NXPH1: variants seen among roughly 807,000 people sequenced by gnomAD.
The protein encoded by NXPH1 is neurexophilin 1, also known as neurexophilin-1.
A neutral mutation model predicts 23.7 loss-of-function variants in NXPH1; 5 were observed. The observed-to-expected ratio is 0.21, with a 90% CI of 0.11 to 0.44. The LOEUF (loss-of-function observed/expected upper bound fraction) is 0.44, where lower values mean the gene tolerates loss of function less well. Among genes scored for constraint, NXPH1 ranks in the 20% least tolerant of loss-of-function variants. The pLI, the probability that NXPH1 is intolerant of heterozygous loss-of-function variation, is 0.99. For missense variants in NXPH1, 324 were observed against 321.6 expected, an observed-to-expected ratio of 1.01 and a Z score of -0.06; for synonymous variants, 144 against 122.2, an observed-to-expected ratio of 1.18 and a Z score of -1.18.
chr7:8,555,508 G>A (rs1818343101), intron 2 of NXPH1, among the ~76,000 whole-genome samples: 1 of 151,588 alleles, frequency 6.6e-6, no homozygotes, highest in Non-Finnish European at 1.5e-5. Context: ...AAGCACCTAA[G>A]TCACTTTTCA....
intron 2 of NXPH1, among the ~76,000 whole-genome samples, chr7:8,490,616 G>A (rs902753745): frequency 5.3e-5 from 8 of 151,920 alleles, no homozygotes; most frequent in African/African-American, 1.2e-4. Flanking sequence ...GAAGCAGATC[G>A]GTTCCAATGT....
At chr7:8,713,021 A>C in intron 2 of NXPH1, among the ~76,000 whole-genome samples, 1 of 149,500 alleles carries the variant, frequency 6.7e-6, no homozygotes, top group Non-Finnish European at 1.5e-5. Flanking sequence ...CTCTCTCTCT[A>C]CCTCCTCTTT....
chr7:8,616,909 C>G (rs527267436), intron 2 of NXPH1, among the ~76,000 whole-genome samples: 19 of 150,520 alleles, frequency 1.3e-4, no homozygotes, highest in Admixed American at 4.0e-4. Flanking sequence ...GAGGGGAGGA[C>G]AGTGTGAATG....
At chr7:8,609,507 G>A (rs1349051384) in intron 2 of NXPH1, among the ~76,000 whole-genome samples, 2 of 152,150 alleles carry the variant, frequency 1.3e-5, no homozygotes, top group Non-Finnish European at 2.9e-5. Flanking sequence ...ACTCAGAACT[G>A]AGATTATGAC....
At chr7:8,447,518 T>G (rs1305674297) in intron 2 of NXPH1, among the ~76,000 whole-genome samples, 4 of 152,224 alleles carry the variant, frequency 2.6e-5, no homozygotes, top group African/African-American at 9.6e-5. Context: ...TCAACCTTAT[T>G]TCTTTTGGTT....
intron 2 of NXPH1, among the ~76,000 whole-genome samples, chr7:8,633,500 T>C (rs2115136130): frequency 6.6e-6 from 1 of 152,314 alleles, no homozygotes; most frequent in African/African-American, 2.4e-5. Context: ...CGCACACACA[T>C]TGTACTACAG....
chr7:8,690,288 G>A (rs1240301738), intron 2 of NXPH1: 2 of 152,190 alleles, frequency 1.3e-5, no homozygotes, highest in Admixed American at 6.5e-5. Context: ...GAAGACAGTG[G>A]AAGCAGCAGA....
rs190516027 is a variant in NXPH1 at position 8,437,184 on chromosome 7, C to T, written c.54+1417C>T. On this transcript the variant is annotated intron_variant, in intron 2 of 2. Coordinates refer to ENST00000405863, the MANE Select transcript of NXPH1 (RefSeq NM_152745.3). ...AAGAACAGCCTTTCTGACTCTGTCA[C>T]CGAAGTCTGTGCCTTTACCCGCTGG... Among the ~76,000 whole-genome samples the T allele has an allele frequency of 2.6e-3, 396 of 152,324 alleles. 1 individual carries two copies. Among genetic ancestry groups the T allele is most frequent in the Non-Finnish European group, 4.0e-3 (273 of 68,028 alleles).
intron 2 of NXPH1, among the ~76,000 whole-genome samples, chr7:8,657,860 T>A (rs932547978): frequency 1.3e-5 from 2 of 152,120 alleles, no homozygotes; most frequent in African/African-American, 4.8e-5. Flanking sequence ...AAACACTGTC[T>A]CTATTAAAAA....
At chr7:8,566,639 G>A (rs111565414) in intron 2 of NXPH1, among the ~76,000 whole-genome samples, 12 of 151,922 alleles carry the variant, frequency 7.9e-5, no homozygotes, top group African/African-American at 2.9e-4. Context: ...TGCAATTCTT[G>A]GACTTACACC....
rs1176807178 is a variant in NXPH1, at chr7:8,435,332, G to C, written c.-110-272G>C. 3.0e-6 allele frequency: 1 copy of C among 335,144 alleles called. No individual in the cohort carries two copies. Among genetic ancestry groups the C allele is most frequent in the Non-Finnish European group, 5.6e-6 (1 of 178,216 alleles). The allele number at this position is 335,144 out of a possible 1,614,324, so 20.8% of individuals were successfully genotyped here. A position where few individuals can be genotyped will look rare whatever the true frequency, so the allele number is the denominator to read the frequency against. On this transcript the variant is annotated intron_variant, in intron 1 of 2. Transcript: ENST00000405863. The surrounding 1 kb of genome is among the most constrained non-coding windows in gnomAD (Gnocchi z 5.9). The stretch of plus-strand genomic sequence containing the variant: ...TCCGAACCAGCCTGCACGCGGCTCA[G>C]TGTGCTCCGCCGCCTGGGAACTCGC...
At chr7:8,520,021 A>G (rs2128615488) in intron 2 of NXPH1, among the ~76,000 whole-genome samples, 1 of 152,236 alleles carries the variant, frequency 6.6e-6, no homozygotes, top group African/African-American at 2.4e-5. Flanking sequence ...ATAAAAAATT[A>G]TTTATATAAA....
chr7:8,491,249 G>A (rs1030597771), intron 2 of NXPH1, among the ~76,000 whole-genome samples: 1 of 152,026 alleles, frequency 6.6e-6, no homozygotes, highest in Non-Finnish European at 1.5e-5. Flanking sequence ...ATCCTTGGCT[G>A]TGAAACAGTG....
At chr7:8,562,381 G>C (rs1396941237) in intron 2 of NXPH1, among the ~76,000 whole-genome samples, 1 of 151,724 alleles carries the variant, frequency 6.6e-6, no homozygotes, top group African/African-American at 2.4e-5. Flanking sequence ...TTCAGCAAAA[G>C]AGATACCTTA....
At chr7:8,454,997 A>G (rs1816569997) in intron 2 of NXPH1, among the ~76,000 whole-genome samples, 1 of 152,212 alleles carries the variant, frequency 6.6e-6, no homozygotes, top group South Asian at 2.1e-4. Flanking sequence ...AAAATAGTCT[A>G]GAAGTCTAAT....
chr7:8,615,547 C>G (rs1424449695), intron 2 of NXPH1, among the ~76,000 whole-genome samples: 1 of 152,030 alleles, frequency 6.6e-6, no homozygotes, highest in African/African-American at 2.4e-5. Flanking sequence ...AATAATCTGA[C>G]TCTGCTTGTC....
chr7:8,578,309 T>C (rs1562409491), intron 2 of NXPH1, among the ~76,000 whole-genome samples: 1 of 152,212 alleles, frequency 6.6e-6, no homozygotes, highest in Admixed American at 6.5e-5. Flanking sequence ...ATTGAATGTG[T>C]CTCCCTTTTG....
At chr7:8,467,760 T>C (rs929986139) in intron 2 of NXPH1, among the ~76,000 whole-genome samples, 5 of 152,152 alleles carry the variant, frequency 3.3e-5, no homozygotes, top group African/African-American at 1.2e-4. Context: ...GATAGCAACC[T>C]CTTTCAATTT....
chr7:8,435,505 TG>T lies in NXPH1; in HGVS notation c.-110-97del. 6 of 571,778 alleles carry T rather than the reference TG, an allele frequency of 1.0e-5. No homozygotes were observed. Among genetic ancestry groups the T allele is most frequent in the South Asian group, 6.6e-5 (3 of 45,454 alleles). 35.4% of individuals were successfully genotyped at this position (571,778 alleles called of 1,614,324 possible). A position where few individuals can be genotyped will look rare whatever the true frequency, so the allele number is the denominator to read the frequency against. ...TCGTACCCTCCCTCCCTTTTTTTTT[TG>T]GTCCCCCACTCCCCGCTACGACCCC... is the stretch of plus-strand genomic sequence containing the variant. On this transcript the variant is annotated intron_variant, in intron 1 of 2. Coordinates refer to ENST00000405863, the MANE Select transcript of NXPH1 (RefSeq NM_152745.3). This position sits in a 1 kb window ranked among gnomAD's most constrained non-coding sequence, Gnocchi z 5.9.
Sources: gnomAD v4.1 joint callset for allele counts (sites outside exome capture counted in the v4.1 genomes callset) on GRCh38, gnomAD v4.1.1 for gene constraint, Gnocchi (gnomAD v3.1) non-coding constraint, MANE v1.5 for transcripts, NCBI Gene and HGNC (gene_info 2026-07-23, HGNC 2026-07-21) for gene names.